Variants in MACROH2A1 observed in about 807,000 individuals in gnomAD.
MACROH2A1 encodes the protein macroH2A.1 histone, also known as core histone macro-H2A.1.
MACROH2A1 carries 2 observed loss-of-function variants against 31.6 expected under a neutral mutation model. The observed-to-expected ratio is 0.06, with a 90% confidence interval of 0.03 to 0.20. MACROH2A1 has a LOEUF of 0.20. Ranked by LOEUF, MACROH2A1 falls within the 10% of genes least tolerant of loss-of-function variation. The pLI is 1.00. For missense variants in MACROH2A1, 230 were observed against 474.0 expected (o/e 0.49, Z 4.78); for synonymous variants, 169 against 189.6 (o/e 0.89, Z 0.89).
intron 2 of MACROH2A1, among the ~76,000 whole-genome samples, chr5:135,375,773 C>T (rs2149878769): frequency 6.6e-6 from 1 of 152,168 alleles, no homozygotes; most frequent in East Asian, 1.9e-4. Context: ...ATGTTTGCTA[C>T]AAGGCCAACA....
intron 6 of MACROH2A1, among the ~76,000 whole-genome samples, chr5:135,349,680 T>G (rs1317545039): frequency 3.3e-5 from 5 of 152,170 alleles, no homozygotes; most frequent in African/African-American, 1.2e-4. Flanking sequence ...GACTTCACTG[T>G]CTGCTGACTG....
intron 6 of MACROH2A1, chr5:135,350,972 C>T (rs1009406726): frequency 1.8e-6 from 2 of 1,139,046 alleles, no homozygotes; most frequent in African/African-American, 3.0e-5. Flanking sequence ...CGCACAGGCA[C>T]ATTTACTAAT....
intron 8 of MACROH2A1, among the ~76,000 whole-genome samples, chr5:135,336,088 G>C (rs982887901): frequency 6.6e-6 from 1 of 152,210 alleles, no homozygotes; most frequent in Non-Finnish European, 1.5e-5. Context: ...GCCTGTGGGC[G>C]TGTTGGTGTC....
chr5:135,385,099 T>G (rs1766210746), intron 2 of MACROH2A1, among the ~76,000 whole-genome samples: 1 of 152,250 alleles, frequency 6.6e-6, no homozygotes, highest in African/African-American at 2.4e-5. Context: ...GCAGAGGGCC[T>G]GGCCCAGCTA....
chr5:135,392,607 C>A (rs1164860540), intron 1 of MACROH2A1, among the ~76,000 whole-genome samples: 1 of 152,180 alleles, frequency 6.6e-6, no homozygotes, highest in African/African-American at 2.4e-5. Flanking sequence ...GTTGTGCAGT[C>A]TCCAGATAAA....
intron 1 of MACROH2A1, among the ~76,000 whole-genome samples, chr5:135,390,596 C>T: frequency 6.6e-6 from 1 of 152,186 alleles, no homozygotes; most frequent in East Asian, 1.9e-4. Flanking sequence ...TCCCTATGAA[C>T]ATGTTTGCTC....
intron 2 of MACROH2A1, 140 bp from the exon 3 acceptor site, chr5:135,370,282 G>C (rs940695214): frequency 3.5e-6 from 2 of 578,538 alleles, no homozygotes; most frequent in African/African-American, 3.8e-5. Flanking sequence ...GCTGTGGGCA[G>C]AGTCACAGAG....
At chr5:135,350,569 A>G in intron 6 of MACROH2A1, 1 of 440,328 alleles carries the variant, frequency 2.3e-6, no homozygotes, top group Non-Finnish European at 4.1e-6. Context: ...GGGGCAGGTG[A>G]AGAAACGATT....
chr5:135,366,103 G>C (rs552382761), intron 4 of MACROH2A1, among the ~76,000 whole-genome samples: 4 of 152,196 alleles, frequency 2.6e-5, no homozygotes, highest in Non-Finnish European at 5.9e-5. Context: ...CTCTCCTGCT[G>C]TCCTGTGAAG....
chr5:135,350,231 G>A (rs1761350844), intron 6 of MACROH2A1, among the ~76,000 whole-genome samples: 1 of 152,206 alleles, frequency 6.6e-6, no homozygotes, highest in Admixed American at 6.5e-5. Context: ...TGTTTCTCAT[G>A]AGTGGTCTAA....
At chr5:135,353,320 T>C in intron 5 of MACROH2A1, 1 of 404,890 alleles carries the variant, frequency 2.5e-6, no homozygotes, top group Non-Finnish European at 4.5e-6. Context: ...GAGATCAGCT[T>C]TCCTTTAAAG....
chr5:135,383,817 G>A (rs1307627988), intron 2 of MACROH2A1, among the ~76,000 whole-genome samples: 9 of 151,790 alleles, frequency 5.9e-5, no homozygotes, highest in African/African-American at 2.2e-4. Context: ...ATAAGCCCCA[G>A]TGCAGCATGA....
At chr5:135,368,263 G>C (rs1763765468) in intron 4 of MACROH2A1, among the ~76,000 whole-genome samples, 1 of 152,260 alleles carries the variant, frequency 6.6e-6, no homozygotes, top group Non-Finnish European at 1.5e-5. Context: ...GTCTGCCTGA[G>C]GCACAGGCAG....
intron 7 of MACROH2A1, chr5:135,345,563 G>A: frequency 6.1e-6 from 1 of 164,048 alleles, no homozygotes; most frequent in Non-Finnish European, 1.3e-5. Context: ...GGTGTAATTG[G>A]CAAATGAGAA....
chr5:135,358,929 T>C (rs773656213), intron 5 of MACROH2A1: 3 of 985,420 alleles, frequency 3.0e-6, no homozygotes, highest in Non-Finnish European at 3.6e-6. Context: ...GCTAGCAAGA[T>C]GTCTGTGGTG....
At chr5:135,338,031 GT>G in intron 8 of MACROH2A1, 1 of 1,147,604 alleles carries the variant, frequency 8.7e-7, no homozygotes, top group Non-Finnish European at 1.1e-6. Context: ...CTTTCCTAAC[GT>G]TTTCTGGTGG....
At chr5:135,363,532 T>C (rs1182755490) in intron 4 of MACROH2A1, among the ~76,000 whole-genome samples, 1 of 152,268 alleles carries the variant, frequency 6.6e-6, no homozygotes, top group Non-Finnish European at 1.5e-5. Context: ...GGCTGCATAG[T>C]ATTCCATGGT....
chr5:135,351,798 C>T (rs1446614436), intron 6 of MACROH2A1, among the ~76,000 whole-genome samples: 3 of 151,602 alleles, frequency 2.0e-5, no homozygotes, highest in African/African-American at 4.8e-5. Flanking sequence ...CCTGGCCTCA[C>T]TCAATCCTCC....
chr5:135,343,119 C>G (rs1478391145), intron 8 of MACROH2A1, 141 bp downstream of exon 8: 1 of 1,559,042 alleles, frequency 6.4e-7, no homozygotes, highest in Admixed American at 1.8e-5. Context: ...TGTCTGCATT[C>G]TTCCCTGTGT....
Sources: gnomAD v4.1 joint callset for allele counts (sites outside exome capture counted in the v4.1 genomes callset) on GRCh38, gnomAD v4.1.1 for gene constraint, MANE v1.5 for transcripts, NCBI Gene and HGNC (gene_info 2026-07-23, HGNC 2026-07-21) for gene names.